Variants in SGCD observed in about 807,000 individuals in gnomAD.
SGCD encodes the protein sarcoglycan delta, also known as delta-sarcoglycan.
In SGCD, 18 loss-of-function variants were observed where a neutral mutation model predicts 36.6. The observed-to-expected ratio is 0.49, with a 90% CI of 0.34 to 0.73. The LOEUF (loss-of-function observed/expected upper bound fraction) is 0.73. Among genes scored for constraint, SGCD ranks in the 30% least tolerant of loss-of-function variants. SGCD has a pLI of 0.01. For synonymous variants in SGCD, 133 were observed against 130.6 expected (o/e 1.02, Z -0.12); for missense variants, 387 against 346.7 (o/e 1.12, Z -0.92).
intron 7 of SGCD, among the ~76,000 whole-genome samples, chr5:156,682,075 G>A (rs1251083685): frequency 6.6e-6 from 1 of 152,162 alleles, no homozygotes; most frequent in Admixed American, 6.6e-5. Context: ...TAAAAATTGA[G>A]TTGCATTTTC....
At chr5:156,000,799 C>CAT (rs145379741) in intron 1 of SGCD, among the ~76,000 whole-genome samples, 8,328 of 145,212 alleles carry the variant, frequency 0.057, 712 homozygotes, top group African/African-American at 0.2. Flanking sequence ...TTTCCTCACA[C>CAT]ATATATATAT....
At chr5:155,965,099 C>T (rs551427448) in intron 1 of SGCD, among the ~76,000 whole-genome samples, 7 of 152,220 alleles carry the variant, frequency 4.6e-5, no homozygotes, top group African/African-American at 1.7e-4. Flanking sequence ...CCTACCCTTG[C>T]AAGTTTCAGA....
intron 3 of SGCD, among the ~76,000 whole-genome samples, chr5:156,427,139 G>A (rs1354946314): frequency 6.6e-6 from 1 of 152,084 alleles, no homozygotes; most frequent in South Asian, 2.1e-4. Flanking sequence ...TGGGCAGTAA[G>A]GTCATTTTCT....
chr5:156,308,300 CTTT>C (rs3043456), intron 3 of SGCD, among the ~76,000 whole-genome samples: 33 of 141,304 alleles, frequency 2.3e-4, no homozygotes, highest in Admixed American at 2.8e-4. Context: ...AAGTGCCATA[CTTT>C]TTTTTTTTTT....
chr5:156,511,318 T>A lies in SGCD; in HGVS notation c.294+2616T>A, dbSNP rs188195795. Among the ~76,000 whole-genome samples the A allele has an allele frequency of 5.3e-5, 8 of 152,346 alleles. 1 individual carries two copies. The highest frequency in any genetic ancestry group is 5.2e-4 in the Admixed American group (8 of 15,298). ...GAAACCTGTGCCCAAATTCATTCAC[T>A]CTTCTGCATCACACACCACACCTTA... On this transcript the variant is annotated intron_variant, in intron 4 of 8. Transcript: ENST00000337851.
intron 1 of SGCD, among the ~76,000 whole-genome samples, chr5:156,101,936 G>A: frequency 6.7e-6 from 1 of 150,156 alleles, no homozygotes; most frequent in East Asian, 1.9e-4. Context: ...GTGTGTGTGT[G>A]TGTGTGAGAG....
At chr5:155,881,013 T>C (rs1755870520) in intron 1 of SGCD, among the ~76,000 whole-genome samples, 1 of 152,160 alleles carries the variant, frequency 6.6e-6, no homozygotes, top group African/African-American at 2.4e-5. Context: ...AAATGTGGAT[T>C]CAGGGACTCC....
chr5:156,602,996 A>G (rs553628829), intron 6 of SGCD, among the ~76,000 whole-genome samples: 4 of 151,624 alleles, frequency 2.6e-5, no homozygotes, highest in African/African-American at 9.7e-5. Flanking sequence ...GATGTTATGG[A>G]ATAGTTTGAA....
At chr5:156,331,562 G>C (rs1285044429) in intron 2 of SGCD, among the ~76,000 whole-genome samples, 1 of 152,164 alleles carries the variant, frequency 6.6e-6, no homozygotes, top group East Asian at 1.9e-4. Flanking sequence ...TATTGCCAGG[G>C]ATTAGAAACT....
intron 3 of SGCD, among the ~76,000 whole-genome samples, chr5:156,181,363 A>C (rs553167918): frequency 6.6e-6 from 1 of 152,208 alleles, no homozygotes; most frequent in Non-Finnish European, 1.5e-5. Flanking sequence ...GGACTAAAAA[A>C]CTTGCTATCA....
intron 1 of SGCD, among the ~76,000 whole-genome samples, chr5:155,974,437 T>G (rs997066799): frequency 5.9e-5 from 9 of 152,038 alleles, no homozygotes; most frequent in African/African-American, 2.2e-4. Context: ...CCCCAGGGTA[T>G]CATGTATCAT....
intron 3 of SGCD, among the ~76,000 whole-genome samples, chr5:156,145,866 A>T (rs2127612702): frequency 6.6e-6 from 1 of 152,330 alleles, no homozygotes; most frequent in Non-Finnish European, 1.5e-5. Flanking sequence ...AATAAAAAGC[A>T]TAAGAAAATA....
At chr5:156,039,146 C>T (rs1305568294) in intron 1 of SGCD, among the ~76,000 whole-genome samples, 2 of 152,060 alleles carry the variant, frequency 1.3e-5, no homozygotes, top group Non-Finnish European at 2.9e-5. Flanking sequence ...TGGCCCACTC[C>T]ACCACCTAGC....
the SGCD span, among the ~76,000 whole-genome samples, chr5:155,791,132 C>A: frequency 2.0e-5 from 3 of 151,936 alleles, no homozygotes; most frequent in Admixed American, 6.6e-5. Context: ...ACAAGAAAAC[C>A]AAGGAAAGTT....
At chr5:155,909,727 G>A (rs1237347522) in intron 1 of SGCD, among the ~76,000 whole-genome samples, 6 of 152,098 alleles carry the variant, frequency 3.9e-5, no homozygotes, top group African/African-American at 1.4e-4. Context: ...AATTTTGAGT[G>A]CATCTTTTGT....
At chr5:155,933,868 G>T (rs1335079297) in intron 1 of SGCD, among the ~76,000 whole-genome samples, 2 of 152,200 alleles carry the variant, frequency 1.3e-5, no homozygotes, top group African/African-American at 4.8e-5. Flanking sequence ...AAGACCGTCA[G>T]TTAAGGCTTG....
intron 3 of SGCD, among the ~76,000 whole-genome samples, chr5:156,377,349 A>C (rs34201599): frequency 0.41 from 61,777 of 152,002 alleles, 13,465 homozygotes; most frequent in East Asian, 0.79. Flanking sequence ...ATCGCATTAT[A>C]AAATTTATGT....
At chr5:156,648,777 C>G (rs1272823099) in intron 7 of SGCD, among the ~76,000 whole-genome samples, 1 of 152,128 alleles carries the variant, frequency 6.6e-6, no homozygotes, top group Non-Finnish European at 1.5e-5. Context: ...ATATAAGGTA[C>G]TGAAGCTAGA....
chr5:156,189,722 A>C (rs192628849), intron 3 of SGCD, among the ~76,000 whole-genome samples: 2 of 152,148 alleles, frequency 1.3e-5, no homozygotes, highest in African/African-American at 4.8e-5. Context: ...TGAACTTTCA[A>C]AGTCTGTTAG....
Sources: gnomAD v4.1 joint callset for allele counts (sites outside exome capture counted in the v4.1 genomes callset) on GRCh38, gnomAD v4.1.1 for gene constraint, MANE v1.5 for transcripts, NCBI Gene and HGNC (gene_info 2026-07-23, HGNC 2026-07-21) for gene names.